Variants in NPHP4 observed in about 807,000 individuals in gnomAD.
NPHP4 encodes the protein nephrocystin 4, also known as nephrocystin-4.
In NPHP4, 151 loss-of-function variants were observed where a neutral mutation model predicts 155.8. That is an observed-to-expected ratio of 0.97 (90% CI 0.85 to 1.11). NPHP4 has a LOEUF of 1.11. NPHP4 is among the 50% of genes least tolerant of loss of function. The pLI, the probability that NPHP4 is intolerant of heterozygous loss-of-function variation, is 0.00. For synonymous variants in NPHP4, 845 were observed against 816.8 expected (o/e 1.03, Z -0.59); for missense variants, 1,956 against 1,925.7 (o/e 1.02, Z -0.29).
At chr1:5,934,385 C>T (rs1375412853) in intron 9 of NPHP4, among the ~76,000 whole-genome samples, 1 of 152,198 alleles carries the variant, frequency 6.6e-6, no homozygotes, top group African/African-American at 2.4e-5. Flanking sequence ...GCCACCGGAA[C>T]AGCCCAGAGG....
chr1:5,903,009 T>C (rs1644750666), intron 16 of NPHP4, among the ~76,000 whole-genome samples: 3 of 152,218 alleles, frequency 2.0e-5, no homozygotes, highest in African/African-American at 7.2e-5. Context: ...CTTGGTGAGC[T>C]AAAAAATATA....
In NPHP4 at chr1:5,905,709, T is replaced by C; in HGVS notation, c.1686A>G (p.Thr562=). ...DLSQTSLVLE[T]SIAEQLQELP... ...GCTCCTGTAACTGTTCGGCAATGGATGTTTCCAGGACCAGGGAGGTCTGGC... is the reference window on the plus strand; with the variant it reads ...GCTCCTGTAACTGTTCGGCAATGGACGTTTCCAGGACCAGGGAGGTCTGGC... The change falls in exon 14 of 30, where the codon ACA becomes ACG. Residue 562 remains threonine (T), a synonymous_variant. Transcript: ENST00000378156. This position sits in a 1 kb window ranked among gnomAD's most constrained non-coding sequence, Gnocchi z 4.0. 1 of 1,613,824 alleles carries C rather than the reference T, an allele frequency of 6.2e-7. No individual in the cohort carries two copies. The highest frequency in any genetic ancestry group is 8.5e-7 in the Non-Finnish European group (1 of 1,179,826).
intron 3 of NPHP4, among the ~76,000 whole-genome samples, chr1:5,976,394 T>A (rs1653585606): frequency 6.6e-6 from 1 of 152,186 alleles, no homozygotes. Context: ...CGCATGGCTG[T>A]CACAACACCA....
chr1:5,933,389 G>C, intron 9 of NPHP4, 60 bp from the exon 10 acceptor site: 1 of 1,349,578 alleles, frequency 7.4e-7, no homozygotes, highest in Admixed American at 1.9e-5. Flanking sequence ...CTGGAGAGGG[G>C]AAATCAACAG....
At position 5,904,772 on chromosome 1, in the gene NPHP4, G is replaced by A. The variant is rs764314565; in HGVS notation, c.1988C>T (p.Pro663Leu). The change falls in exon 16 of 30, where the codon CCA becomes CTA. Residue 663 changes from proline to leucine, a missense_variant. Pro to Leu is a moderately conservative substitution (Grantham distance 98, BLOSUM62 -3). Transcript: ENST00000378156. ...CTGGAAGGTGAAATACACAGTCTTT[G>A]GCCATGATGTTCCTCGGCAGTCCTG... ...VAQDCRGTSW[P>L]KTVYFTFQFY... The A allele has an allele frequency of 6.2e-7, 1 of 1,613,986 alleles. No homozygotes were observed. Among genetic ancestry groups the A allele is most frequent in the Non-Finnish European group, 8.5e-7 (1 of 1,179,886 alleles).
At chr1:5,935,965 TATC>T (rs1646517542) in intron 9 of NPHP4, among the ~76,000 whole-genome samples, 1 of 152,184 alleles carries the variant, frequency 6.6e-6, no homozygotes, top group Admixed American at 6.5e-5. Flanking sequence ...TGTAAACAGT[TATC>T]ATTATAAAAT....
At chr1:5,967,758 T>C (rs966911807) in intron 4 of NPHP4, among the ~76,000 whole-genome samples, 5 of 152,168 alleles carry the variant, frequency 3.3e-5, no homozygotes, top group African/African-American at 7.2e-5. Context: ...AGACATTTTT[T>C]TTCGTTTGTC....
intron 11 of NPHP4, among the ~76,000 whole-genome samples, chr1:5,917,657 T>C (rs536233617): frequency 9.2e-5 from 14 of 152,202 alleles, no homozygotes; most frequent in Admixed American, 7.9e-4. Context: ...GGGCCAGGAC[T>C]CATCAGGCAA....
chr1:5,868,049 G>T, intron 23 of NPHP4, 153 bp from the exon 24 acceptor site: 1 of 842,536 alleles, frequency 1.2e-6, no homozygotes, highest in Non-Finnish European at 2.0e-6. Flanking sequence ...GTCAAAGGCA[G>T]GGACTGAGTC....
rs578052590 is a variant in NPHP4 at position 5,910,734 on chromosome 1, G to A, written c.1442-1521C>T. The stretch of plus-strand genomic sequence containing the variant: ...GGAGAAACCAAATCCAGAAAGTGCC[G>A]CCCTAACACCAGAGCTGCACGACCA... On this transcript the variant is annotated intron_variant, in intron 11 of 29. Transcript: ENST00000378156. The surrounding 1 kb of genome is among the most constrained non-coding windows in gnomAD (Gnocchi z 5.4). Among the ~76,000 whole-genome samples, 11 of 152,260 alleles carry A rather than the reference G, an allele frequency of 7.2e-5. No homozygotes were observed. Among genetic ancestry groups the A allele is most frequent in the South Asian group, 6.2e-4 (3 of 4,810 alleles).
intron 28 of NPHP4, 119 bp downstream of exon 28, chr1:5,864,219 C>CATGA: frequency 8.6e-7 from 1 of 1,169,000 alleles, no homozygotes; most frequent in Non-Finnish European, 1.2e-6. Flanking sequence ...ATGCACCCGG[C>CATGA]CCTGCTGGGT....
intron 11 of NPHP4, among the ~76,000 whole-genome samples, chr1:5,918,277 C>T (rs1400476349): frequency 1.3e-5 from 2 of 152,022 alleles, no homozygotes; most frequent in Non-Finnish European, 2.9e-5. Flanking sequence ...TTAATATATG[C>T]CTTTTTAAAT....
Position 5,928,431 on chromosome 1 carries a change from C to T in NPHP4, c.1303-644G>A, listed in dbSNP as rs189720667. On this transcript the variant is annotated intron_variant, in intron 10 of 29. Coordinates refer to ENST00000378156, the MANE Select transcript of NPHP4 (RefSeq NM_015102.5). Reference sequence around the variant, plus strand: ...TATTACTGAGTGATATTCTATTGTACGGATGTACCAGTTTATTTATCCATT... The same window carrying T: ...TATTACTGAGTGATATTCTATTGTATGGATGTACCAGTTTATTTATCCATT... 5.9e-5 allele frequency among the ~76,000 whole-genome samples: 9 copies of T among 152,270 alleles called. No individual in the cohort carries two copies. In the East Asian group the frequency reaches 1.5e-3, roughly 26 times the overall value.
chr1:5,919,596 C>A (rs1387756943), intron 11 of NPHP4, among the ~76,000 whole-genome samples: 1 of 152,196 alleles, frequency 6.6e-6, no homozygotes, highest in Non-Finnish European at 1.5e-5. Flanking sequence ...CAAGCCCCAT[C>A]TGAGTCAGCA....
At chr1:5,926,635 G>A (rs536352117) in intron 11 of NPHP4, among the ~76,000 whole-genome samples, 29 of 152,234 alleles carry the variant, frequency 1.9e-4, no homozygotes, top group East Asian at 7.7e-4. Flanking sequence ...TCCACCAACT[G>A]TAAAATCAAA....
chr1:5,865,845 C>T lies in NPHP4; in HGVS notation c.3644+528G>A, dbSNP rs535913795. 1.7e-5 allele frequency: 3 copies of T among 181,534 alleles called. No homozygotes were observed. In the South Asian group the frequency reaches 3.7e-4, roughly 22 times the overall value. 11.2% of individuals were successfully genotyped at this position (181,534 alleles called of 1,614,324 possible). ...TGGTGGGCACTGAGTGCAGGTTAGC[C>T]CCTGCCCCATCCTCAGAAGCACTGC... On this transcript the variant is annotated intron_variant, in intron 26 of 29. Transcript: ENST00000378156.
rs1640921431 is a variant in NPHP4 at position 5,864,046 on chromosome 1, G to A, written c.3997-13C>T. On this transcript the variant is annotated splice_polypyrimidine_tract_variant and intron_variant, in intron 28 of 29. Coordinates refer to ENST00000378156, the MANE Select transcript of NPHP4 (RefSeq NM_015102.5). ...TGATCTCAAAGGCCTGTGGAGGGAG[G>A]GGACAGGGAGACGCTGCGGCCACTC... The A allele has an allele frequency of 3.7e-6, 6 of 1,612,164 alleles. No individual in the cohort carries two copies. The highest frequency in any genetic ancestry group is 5.1e-6 in the Non-Finnish European group (6 of 1,179,258).
chr1:5,963,878 G>C (rs1650845055), intron 5 of NPHP4, among the ~76,000 whole-genome samples: 1 of 152,044 alleles, frequency 6.6e-6, no homozygotes, highest in Non-Finnish European at 1.5e-5. Flanking sequence ...AGTAGAGACA[G>C]GGTTTCACCA....
chr1:5,936,957 G>A (rs1204323732), intron 9 of NPHP4, among the ~76,000 whole-genome samples: 2 of 152,178 alleles, frequency 1.3e-5, no homozygotes, highest in South Asian at 2.1e-4. Context: ...GAGCAGGGGA[G>A]AGAGAGACAG....
Sources: gnomAD v4.1 joint callset for allele counts (sites outside exome capture counted in the v4.1 genomes callset) on GRCh38, gnomAD v4.1.1 for gene constraint, Gnocchi (gnomAD v3.1) non-coding constraint, MANE v1.5 for transcripts, NCBI Gene and HGNC (gene_info 2026-07-23, HGNC 2026-07-21) for gene names.